The following NLGN1 variants were observed in gnomAD, a reference collection of about 807,000 sequenced individuals.
NLGN1 encodes neuroligin-1.
Under a neutral mutation model 65.5 loss-of-function variants are expected in NLGN1, and 12 were observed. The ratio of observed to expected loss-of-function variants is 0.18; its 90% CI spans 0.12 to 0.30. The LOEUF is 0.30. Ranked by LOEUF, NLGN1 falls within the 10% of genes least tolerant of loss-of-function variation. NLGN1 has a pLI of 1.00. For synonymous variants in NLGN1, 350 were observed against 359.5 expected, an observed-to-expected ratio of 0.97 and a Z score of 0.30; for missense variants, 750 against 1,007.1, an observed-to-expected ratio of 0.74 and a Z score of 3.46.
At chr3:173,637,234 T>C (rs1270685881) in intron 3 of NLGN1, among the ~76,000 whole-genome samples, 1 of 152,160 alleles carries the variant, frequency 6.6e-6, no homozygotes, top group African/African-American at 2.4e-5. Context: ...TAGGTAACTG[T>C]ATCTAGAAGG....
At chr3:174,272,722 A>AT (rs1749698600) in intron 4 of NLGN1, among the ~76,000 whole-genome samples, 1 of 148,672 alleles carries the variant, frequency 6.7e-6, no homozygotes, top group Admixed American at 6.8e-5. Flanking sequence ...GATAGATAGA[A>AT]AGATAGATAG....
chr3:173,396,971 C>A (rs183994630), upstream of NLGN1, among the ~76,000 whole-genome samples: 2 of 152,078 alleles, frequency 1.3e-5, no homozygotes, highest in East Asian at 1.9e-4. Flanking sequence ...TTTAGGAAAT[C>A]GTGTCCTTTA....
At chr3:173,627,011 C>T (rs2149524773) in intron 3 of NLGN1, among the ~76,000 whole-genome samples, 1 of 152,178 alleles carries the variant, frequency 6.6e-6, no homozygotes, top group Admixed American at 6.5e-5. Flanking sequence ...GAAACAAAAA[C>T]ATTTTCATAA....
intron 4 of NLGN1, among the ~76,000 whole-genome samples, chr3:173,961,083 A>C (rs558669319): frequency 0.021 from 3,249 of 152,208 alleles, 62 homozygotes; most frequent in Non-Finnish European, 0.036. Flanking sequence ...TTCTAGACCA[A>C]TGTGATAATC....
At chr3:174,018,455 C>T (rs562830142) in intron 4 of NLGN1, among the ~76,000 whole-genome samples, 33 of 152,248 alleles carry the variant, frequency 2.2e-4, no homozygotes, top group Non-Finnish European at 4.1e-4. Context: ...GCAGTAAAGA[C>T]AGGCATAAGA....
chr3:173,710,179 A>G (rs1204426356), intron 3 of NLGN1, among the ~76,000 whole-genome samples: 1 of 152,214 alleles, frequency 6.6e-6, no homozygotes, highest in Admixed American at 6.5e-5. Flanking sequence ...TAAAATAAGC[A>G]TACCAAAAGA....
At chr3:173,788,385 T>G (rs1352515087) in intron 3 of NLGN1, among the ~76,000 whole-genome samples, 1 of 152,114 alleles carries the variant, frequency 6.6e-6, no homozygotes, top group African/African-American at 2.4e-5. Flanking sequence ...CTACTGCAAC[T>G]GTTCCACTGT....
At chr3:173,833,254 A>G (rs907477792) in intron 4 of NLGN1, among the ~76,000 whole-genome samples, 3 of 152,098 alleles carry the variant, frequency 2.0e-5, no homozygotes, top group Admixed American at 2.0e-4. Context: ...TTTACTGTGT[A>G]TTTTCAAACC....
chr3:174,193,006 C>G (rs961691071), intron 4 of NLGN1, among the ~76,000 whole-genome samples: 3 of 151,996 alleles, frequency 2.0e-5, no homozygotes, highest in Non-Finnish European at 2.9e-5. Context: ...TCTGAATGTA[C>G]CACTATTAAA....
intron 3 of NLGN1, among the ~76,000 whole-genome samples, chr3:173,807,072 G>A (rs1347693681): frequency 6.6e-6 from 1 of 152,132 alleles, no homozygotes; most frequent in Non-Finnish European, 1.5e-5. Context: ...TGCAACAAGA[G>A]GAGCACAGAT....
intron 4 of NLGN1, among the ~76,000 whole-genome samples, chr3:174,156,226 A>G (rs2152711986): frequency 6.6e-6 from 1 of 152,030 alleles, no homozygotes; most frequent in East Asian, 1.9e-4. Context: ...TAGGAATACC[A>G]TTTAAGCCAG....
intron 4 of NLGN1, among the ~76,000 whole-genome samples, chr3:174,246,738 A>C (rs1743856759): frequency 9.1e-6 from 1 of 109,406 alleles, no homozygotes; most frequent in African/African-American, 4.1e-5. Flanking sequence ...ATTTTTAATA[A>C]AGCTATTTTT....
intron 4 of NLGN1, among the ~76,000 whole-genome samples, chr3:173,989,556 C>T (rs1720662782): frequency 6.6e-6 from 1 of 152,066 alleles, no homozygotes. Context: ...TAGGAGTCTC[C>T]TGTAATGTTA....
At chr3:173,699,365 G>A (rs914825930) in intron 3 of NLGN1, among the ~76,000 whole-genome samples, 1 of 152,136 alleles carries the variant, frequency 6.6e-6, no homozygotes, top group African/African-American at 2.4e-5. Context: ...AAATATGTTA[G>A]CCTATTCTTG....
intron 4 of NLGN1, among the ~76,000 whole-genome samples, chr3:173,882,778 C>T (rs1464069895): frequency 6.6e-6 from 1 of 152,236 alleles, no homozygotes; most frequent in Non-Finnish European, 1.5e-5. Flanking sequence ...TATAGTAGCA[C>T]TTTCAATTTC....
chr3:173,824,166 T>C (rs1720880919), intron 4 of NLGN1, among the ~76,000 whole-genome samples: 2 of 152,102 alleles, frequency 1.3e-5, no homozygotes, highest in South Asian at 2.1e-4. Flanking sequence ...AATAGTCTTA[T>C]GGATAATTCT....
exon 6 of NLGN1, chr3:174,278,866 T>G: frequency 6.8e-7 from 1 of 1,478,332 alleles, no homozygotes; most frequent in Non-Finnish European, 9.0e-7. Flanking sequence ...CATAGGACTT[T>G]TTCAACGAGC....
chr3:173,498,204 C>T (rs1489291848), intron 2 of NLGN1, among the ~76,000 whole-genome samples: 1 of 151,492 alleles, frequency 6.6e-6, no homozygotes, highest in Non-Finnish European at 1.5e-5. Flanking sequence ...TCCCTCCCCA[C>T]TCCCCCCACC....
rs1228489867 is a variant in NLGN1 at position 174,064,897 on chromosome 3, T to C, written c.647-210418T>C. Among the ~76,000 whole-genome samples the C allele has an allele frequency of 4.0e-5, 6 of 150,968 alleles. No individual in the cohort carries two copies. The East Asian group carries it at 1.2e-3, about 30-fold the overall frequency. Reference sequence around the variant, plus strand: ...GTACTATATATTAAGTACTATATATTAAGACACATAGTAAGTACTATATAA... The same window carrying C: ...GTACTATATATTAAGTACTATATATCAAGACACATAGTAAGTACTATATAA... On this transcript the variant is annotated intron_variant, in intron 4 of 6. Transcript: ENST00000457714.
Sources: gnomAD v4.1 joint callset for allele counts (sites outside exome capture counted in the v4.1 genomes callset) on GRCh38, gnomAD v4.1.1 for gene constraint, MANE v1.5 for transcripts, NCBI Gene and HGNC (gene_info 2026-07-23, HGNC 2026-07-21) for gene names.